The following POU6F2 variants were observed in gnomAD, a reference collection of about 807,000 sequenced individuals.
POU6F2 encodes the protein POU class 6 homeobox 2, also known as POU domain, class 6, transcription factor 2.
A neutral mutation model predicts 71.3 loss-of-function variants in POU6F2; 31 were observed. The ratio of observed to expected loss-of-function variants is 0.43; its 90% CI spans 0.33 to 0.59. The LOEUF is 0.59. POU6F2 is among the 20% of genes least tolerant of loss of function. POU6F2 has a pLI of 0.04. For synonymous variants in POU6F2, 347 were observed against 355.7 expected, an observed-to-expected ratio of 0.98 and a Z score of 0.27; for missense variants, 783 against 856.8, an observed-to-expected ratio of 0.91 and a Z score of 1.07.
intron 1 of POU6F2, among the ~76,000 whole-genome samples, chr7:39,053,241 G>A (rs1454578218): frequency 6.6e-6 from 1 of 152,060 alleles, no homozygotes; most frequent in South Asian, 2.1e-4. Flanking sequence ...CATCACATGG[G>A]CCATTTATGT....
At chr7:39,084,422 G>C (rs1055219771) in intron 1 of POU6F2, among the ~76,000 whole-genome samples, 5 of 152,156 alleles carry the variant, frequency 3.3e-5, no homozygotes, top group African/African-American at 1.2e-4. Context: ...GACCTATCAA[G>C]GTATTCAAAA....
In POU6F2 at chr7:39,464,295, A is replaced by C; in HGVS notation, c.1772A>C (p.Glu591Ala). 1 of 1,614,050 alleles carries C rather than the reference A, an allele frequency of 6.2e-7. No homozygotes were observed. The highest frequency in any genetic ancestry group is 8.5e-7 in the Non-Finnish European group (1 of 1,179,906). ...NPGLLYPARF[E>A]KLDITPKSAQ... ...GGCCTTTTGTATCCTGCCAGGTTTG[A>C]AAAGCTGGACATCACCCCTAAAAGT... Residue 591 changes from glutamate to alanine, a missense_variant, in exon 10 of 10, where the codon GAA becomes GCA. By Grantham distance (107) the Glu-to-Ala change is moderately radical. Around this residue, in one of 2 missense-constraint regions of POU6F2, gnomAD observed 211 missense variants for 283.9 expected, o/e 0.74. Coordinates refer to ENST00000518318, the MANE Select transcript of POU6F2 (RefSeq NM_001370959.1). This position sits in a 1 kb window ranked among gnomAD's most constrained non-coding sequence, Gnocchi z 4.1.
Position 39,026,371 on chromosome 7 carries a change from C to CTGGATTAAGAAAATG in POU6F2, c.105+48317_105+48331dup, listed in dbSNP as rs745552422. Among the ~76,000 whole-genome samples, 998 of 152,068 alleles carry CTGGATTAAGAAAATG rather than the reference C, an allele frequency of 6.6e-3. 5 individuals are homozygous for CTGGATTAAGAAAATG. Among genetic ancestry groups the CTGGATTAAGAAAATG allele is most frequent in the South Asian group, 0.015 (74 of 4,804 alleles). ...AACCCAAATGTCTAACAATGATAGA[C>CTGGATTAAGAAAATG]TGGATTAAGAAAATGTGGCACATAT... is the stretch of plus-strand genomic sequence containing the variant. On this transcript the variant is annotated intron_variant, in intron 1 of 9. Coordinates refer to ENST00000518318, the MANE Select transcript of POU6F2 (RefSeq NM_001370959.1).
chr7:39,421,476 C>G (rs1482436024), intron 6 of POU6F2, among the ~76,000 whole-genome samples: 1 of 152,146 alleles, frequency 6.6e-6, no homozygotes, highest in Non-Finnish European at 1.5e-5. Context: ...TCCCCACCCT[C>G]TTTTTTTCTT....
At chr7:39,402,724 G>C (rs1787331926) in intron 5 of POU6F2, among the ~76,000 whole-genome samples, 1 of 151,984 alleles carries the variant, frequency 6.6e-6, no homozygotes, top group African/African-American at 2.4e-5. Flanking sequence ...TGTTGCTTAT[G>C]CTCTCTACTC....
In POU6F2 at chr7:39,194,218, G is replaced by A. The variant is rs559030589; in HGVS notation, c.278-10017G>A. On this transcript the variant is annotated intron_variant, in intron 2 of 9. Transcript: ENST00000518318. Reference sequence around the variant, plus strand: ...TCCAAACAGACCAGGGTCCATCTACGATGAAACAGTCACTGGTCAAAAGGA... The same window carrying A: ...TCCAAACAGACCAGGGTCCATCTACAATGAAACAGTCACTGGTCAAAAGGA... Among the ~76,000 whole-genome samples the A allele has an allele frequency of 5.3e-5, 8 of 152,328 alleles. No individual in the cohort carries two copies. The South Asian group carries it at 1.4e-3, about 28-fold the overall frequency.
chr7:39,268,461 G>A (rs1784287741), intron 4 of POU6F2, among the ~76,000 whole-genome samples: 1 of 152,024 alleles, frequency 6.6e-6, no homozygotes, highest in Non-Finnish European at 1.5e-5. Flanking sequence ...ACTTTCAGTG[G>A]CTTTTTTTAA....
chr7:39,328,420 T>C (rs1242800213), intron 4 of POU6F2, among the ~76,000 whole-genome samples: 3 of 152,156 alleles, frequency 2.0e-5, no homozygotes, highest in Non-Finnish European at 4.4e-5. Flanking sequence ...GGAACAAATA[T>C]CTATTGTTGA....
At chr7:39,016,725 G>A (rs1049281733) in intron 1 of POU6F2, among the ~76,000 whole-genome samples, 12 of 152,162 alleles carry the variant, frequency 7.9e-5, no homozygotes, top group African/African-American at 2.9e-4. Context: ...GTATATCAGG[G>A]AGGTGAGATT....
chr7:39,095,478 G>T (rs538331043), intron 2 of POU6F2, among the ~76,000 whole-genome samples: 1 of 152,142 alleles, frequency 6.6e-6, no homozygotes, highest in Admixed American at 6.5e-5. Context: ...ATTGCTGATG[G>T]CATCGAGGTG....
chr7:39,179,550 C>G lies in POU6F2; in HGVS notation c.278-24685C>G, dbSNP rs6974609. Among the ~76,000 whole-genome samples, 3 of 152,278 alleles carry G rather than the reference C, an allele frequency of 2.0e-5. No homozygotes were observed. The South Asian group carries it at 6.2e-4, about 32-fold the overall frequency. On this transcript the variant is annotated intron_variant, in intron 2 of 9. Coordinates refer to ENST00000518318, the MANE Select transcript of POU6F2 (RefSeq NM_001370959.1). ...ACATGCGCGCACACACACACACACA[C>G]GCACACAGTCTACAGAACTGATCTT...
chr7:39,215,197 T>G (rs979516316), intron 4 of POU6F2, among the ~76,000 whole-genome samples: 8 of 151,982 alleles, frequency 5.3e-5, no homozygotes, highest in Non-Finnish European at 8.8e-5. Context: ...ATACAAAATT[T>G]AGCAGGACAT....
At chr7:39,111,324 C>G (rs1791808977) in intron 2 of POU6F2, among the ~76,000 whole-genome samples, 1 of 152,120 alleles carries the variant, frequency 6.6e-6, no homozygotes, top group African/African-American at 2.4e-5. Context: ...AGCTCCAACA[C>G]CAATTTCTTT....
chr7:39,434,926 T>C (rs898260997), intron 7 of POU6F2, among the ~76,000 whole-genome samples: 1 of 152,200 alleles, frequency 6.6e-6, no homozygotes, highest in African/African-American at 2.4e-5. Flanking sequence ...GGATGATGGC[T>C]TCCAGCTTCA....
At chr7:39,019,392 G>A (rs915312065) in intron 1 of POU6F2, among the ~76,000 whole-genome samples, 6 of 152,048 alleles carry the variant, frequency 3.9e-5, no homozygotes, top group Non-Finnish European at 7.4e-5. Context: ...CTTGTGTTCC[G>A]AAATTTTATA....
chr7:39,287,653 A>G (rs1490454361), intron 4 of POU6F2, among the ~76,000 whole-genome samples: 1 of 152,218 alleles, frequency 6.6e-6, no homozygotes, highest in Non-Finnish European at 1.5e-5. Flanking sequence ...ACACACAGAA[A>G]AAAACACTTG....
At chr7:39,187,441 C>T (rs1584590191) in intron 2 of POU6F2, among the ~76,000 whole-genome samples, 1 of 152,298 alleles carries the variant, frequency 6.6e-6, no homozygotes, top group East Asian at 1.9e-4. Flanking sequence ...GGCTTCACTC[C>T]GTGGTGGCAT....
chr7:38,986,369 T>G (rs1217789557), intron 1 of POU6F2, among the ~76,000 whole-genome samples: 1 of 152,082 alleles, frequency 6.6e-6, no homozygotes, highest in Non-Finnish European at 1.5e-5. Context: ...AGAATTCGAG[T>G]ACATAGTCGA....
intron 5 of POU6F2, among the ~76,000 whole-genome samples, chr7:39,388,182 T>G (rs1786987493): frequency 6.6e-6 from 1 of 152,200 alleles, no homozygotes; most frequent in Admixed American, 6.5e-5. Flanking sequence ...AGTGCTCACA[T>G]GGAAAACTTC....
Sources: allele counts gnomAD v4.1 joint callset (sites outside exome capture counted in the v4.1 genomes callset), GRCh38; gene constraint gnomAD v4.1.1; regional missense constraint gnomAD v4.1.1; non-coding constraint Gnocchi (gnomAD v3.1); transcripts MANE v1.5; gene names NCBI Gene and HGNC (gene_info 2026-07-23, HGNC 2026-07-21).